CDC73: variants seen among roughly 807,000 people sequenced by gnomAD.
The protein encoded by CDC73 is cell division cycle 73, also known as parafibromin.
Under a neutral mutation model 83.7 loss-of-function variants are expected in CDC73, and 21 were observed. That is an observed-to-expected ratio of 0.25 (90% confidence interval 0.18 to 0.36). The LOEUF is 0.36. Among genes scored for constraint, CDC73 ranks in the 10% least tolerant of loss-of-function variants. The pLI is 1.00. For missense variants in CDC73, 342 were observed against 653.3 expected (o/e 0.52, Z 5.19); for synonymous variants, 224 against 212.9 (o/e 1.05, Z -0.45).
At chr1:193,176,860 A>G (rs1485305541) in intron 10 of CDC73, among the ~76,000 whole-genome samples, 1 of 152,226 alleles carries the variant, frequency 6.6e-6, no homozygotes, top group Non-Finnish European at 1.5e-5. Flanking sequence ...TTCTTTAAAA[A>G]GAAGCAAATT....
chr1:193,251,209 A>G lies in CDC73; in HGVS notation c.*497A>G. ...TTGTATGTACACTATATCTACACTT[A>G]CTCATTATTTAAAAAGAATAATGAA... is the stretch of plus-strand genomic sequence containing the variant. On this transcript the variant is annotated 3_prime_UTR_variant, in exon 17 of 17. Transcript: ENST00000367435. 1 of 232,624 alleles carries G rather than the reference A, an allele frequency of 4.3e-6. No homozygotes were observed. The highest frequency in any genetic ancestry group is 8.5e-6 in the Non-Finnish European group (1 of 117,424). The allele number at this position is 232,624 out of a possible 1,614,324, so 14.4% of individuals were successfully genotyped here. A position where few individuals can be genotyped will look rare whatever the true frequency, so the allele number is the denominator to read the frequency against.
chr1:193,238,220 C>A (rs1490940360), intron 15 of CDC73, among the ~76,000 whole-genome samples: 1 of 152,190 alleles, frequency 6.6e-6, no homozygotes, highest in Non-Finnish European at 1.5e-5. Context: ...TATACTGACT[C>A]CTTTTTCTCA....
chr1:193,177,221 A>G (rs1417786261), intron 10 of CDC73, among the ~76,000 whole-genome samples: 1 of 151,790 alleles, frequency 6.6e-6, no homozygotes, highest in Non-Finnish European at 1.5e-5. Flanking sequence ...GAACAGTGTA[A>G]TGATTAAGAA....
chr1:193,200,558 A>G (rs936323168), intron 10 of CDC73, among the ~76,000 whole-genome samples: 5 of 152,316 alleles, frequency 3.3e-5, no homozygotes, highest in African/African-American at 4.8e-5. Flanking sequence ...TCTTGGTGAA[A>G]TTATAATGCT....
At chr1:193,137,434 A>G (rs1181177741) in intron 5 of CDC73, among the ~76,000 whole-genome samples, 1 of 152,206 alleles carries the variant, frequency 6.6e-6, no homozygotes, top group Non-Finnish European at 1.5e-5. Context: ...TGTGGACATT[A>G]AACTGGATCA....
intron 7 of CDC73, among the ~76,000 whole-genome samples, chr1:193,142,965 A>T (rs1244844832): frequency 6.6e-6 from 1 of 152,100 alleles, no homozygotes; most frequent in Admixed American, 6.5e-5. Context: ...ACTGATGCAC[A>T]GTTGTTAATA....
intron 10 of CDC73, among the ~76,000 whole-genome samples, chr1:193,176,259 GT>G (rs1451235680): frequency 6.6e-6 from 1 of 152,068 alleles, no homozygotes; most frequent in African/African-American, 2.4e-5. Context: ...CCCCTAAACC[GT>G]TTCCCTGATC....
chr1:193,178,844 G>A (rs1397293779), intron 10 of CDC73, among the ~76,000 whole-genome samples: 1 of 152,084 alleles, frequency 6.6e-6, no homozygotes, highest in Admixed American at 6.5e-5. Context: ...CTCTTCTGGT[G>A]ATTTATCCCT....
Position 193,254,104 on chromosome 1 carries a change from GAGTA to G in CDC73, c.*3395_*3398del, listed in dbSNP as rs1410350206. Among the ~76,000 whole-genome samples the G allele has an allele frequency of 6.6e-6, 1 of 151,804 alleles. No individual in the cohort carries two copies. The highest frequency in any genetic ancestry group is 6.6e-5 in the Admixed American group (1 of 15,256). The stretch of plus-strand genomic sequence containing the variant: ...ATTGCTTGTTTAAATGCAAAATTAT[GAGTA>G]AGATAAGTCTTTTTAAATTTTTTAT... On this transcript the variant is annotated 3_prime_UTR_variant, in exon 17 of 17. Coordinates refer to ENST00000367435, the MANE Select transcript of CDC73 (RefSeq NM_024529.5).
chr1:193,203,690 A>C, intron 10 of CDC73, 105 bp from the exon 11 acceptor site: 1 of 961,180 alleles, frequency 1.0e-6, no homozygotes, highest in Non-Finnish European at 1.7e-6. Context: ...TGAGTGAGAA[A>C]AACAGAACAA....
intron 7 of CDC73, among the ~76,000 whole-genome samples, chr1:193,143,183 A>G (rs1401020804): frequency 6.6e-6 from 1 of 152,228 alleles, no homozygotes; most frequent in East Asian, 1.9e-4. Context: ...TTTGTTTTAC[A>G]AAGTACCTAA....
intron 10 of CDC73, among the ~76,000 whole-genome samples, chr1:193,188,224 A>T (rs998185888): frequency 6.6e-6 from 1 of 152,216 alleles, no homozygotes; most frequent in South Asian, 2.1e-4. Context: ...TTATTATTGT[A>T]ATACCCACTT....
intron 1 of CDC73, among the ~76,000 whole-genome samples, chr1:193,124,136 G>C (rs1343802441): frequency 6.6e-6 from 1 of 152,236 alleles, no homozygotes; most frequent in Non-Finnish European, 1.5e-5. Flanking sequence ...TGAAAAAGGA[G>C]TGCTTATCAC....
At chr1:193,158,998 A>G (rs1486600836) in intron 10 of CDC73, among the ~76,000 whole-genome samples, 2 of 152,210 alleles carry the variant, frequency 1.3e-5, no homozygotes, top group East Asian at 1.9e-4. Flanking sequence ...TTTTCTAAGA[A>G]GCCATCACGT....
intron 11 of CDC73, among the ~76,000 whole-genome samples, chr1:193,207,959 A>G (rs778624018): frequency 1.8e-4 from 28 of 152,322 alleles, no homozygotes; most frequent in Admixed American, 1.1e-3. Flanking sequence ...CTCCAATTCA[A>G]ACCTCTGGTA....
At position 193,194,911 on chromosome 1, in the gene CDC73, GAAAT is replaced by G. The variant is rs1399441304; in HGVS notation, c.973-8879_973-8876del. 1.2e-4 allele frequency among the ~76,000 whole-genome samples: 19 copies of G among 152,128 alleles called. No homozygotes were observed. The East Asian group carries it at 2.1e-3, about 17-fold the overall frequency. On this transcript the variant is annotated intron_variant, in intron 10 of 16. Coordinates refer to ENST00000367435, the MANE Select transcript of CDC73 (RefSeq NM_024529.5). ...GTTTCTATATCTGTTTATAATTTGT[GAAAT>G]AAATCTCTATATGTGTATGTACATA... is the stretch of plus-strand genomic sequence containing the variant.
intron 15 of CDC73, among the ~76,000 whole-genome samples, chr1:193,240,140 C>T (rs866716240): frequency 1.3e-5 from 2 of 152,158 alleles, no homozygotes; most frequent in Non-Finnish European, 2.9e-5. Context: ...TGGTTTCTTT[C>T]ACTTAATAGA....
intron 10 of CDC73, among the ~76,000 whole-genome samples, chr1:193,160,623 G>A (rs946665228): frequency 1.3e-5 from 2 of 151,902 alleles, no homozygotes; most frequent in Non-Finnish European, 2.9e-5. Flanking sequence ...ATTATTGTCA[G>A]TGTTAAACAT....
intron 10 of CDC73, among the ~76,000 whole-genome samples, chr1:193,189,004 G>A (rs1572186669): frequency 6.6e-6 from 1 of 151,114 alleles, no homozygotes; most frequent in Non-Finnish European, 1.5e-5. Flanking sequence ...CCCAGGCTGG[G>A]GTACAGTGGC....
Sources: gnomAD v4.1 joint callset for allele counts (sites outside exome capture counted in the v4.1 genomes callset) on GRCh38, gnomAD v4.1.1 for gene constraint, MANE v1.5 for transcripts, NCBI Gene and HGNC (gene_info 2026-07-23, HGNC 2026-07-21) for gene names.